Variants in ASCC1 observed in about 807,000 individuals in gnomAD.
ASCC1 encodes the protein activating signal cointegrator 1 complex subunit 1.
Under a neutral mutation model 46.6 loss-of-function variants are expected in ASCC1, and 35 were observed. The observed-to-expected ratio is 0.75, with a 90% CI of 0.57 to 0.99. ASCC1 has a LOEUF of 0.99. Among genes scored for constraint, ASCC1 ranks in the 50% least tolerant of loss-of-function variants. The pLI is 0.00. For missense variants in ASCC1, 376 were observed against 428.7 expected, an observed-to-expected ratio of 0.88 and a Z score of 1.09; for synonymous variants, 143 against 146.6, an observed-to-expected ratio of 0.98 and a Z score of 0.18.
chr10:72,213,232 C>T lies in ASCC1; in HGVS notation c.67G>A (p.Glu23Lys). The T allele has an allele frequency of 6.2e-7, 1 of 1,613,970 alleles. No homozygotes were observed. Among genetic ancestry groups the T allele is most frequent in the Non-Finnish European group, 8.5e-7 (1 of 1,179,914 alleles). ...GRNYRKNPVQ[E>K]QTYQHEEDEE... ...TCTTCTTCATGTTGATAGGTCTGTT[C>T]TTGGACTGGATTCTTCCTGTAATTC... The change falls in exon 2 of 10, where the codon GAA becomes AAA. Residue 23 changes from glutamate (E) to lysine (K), a missense_variant. Transcript: ENST00000672957.
Position 72,096,035 on chromosome 10 carries a change from C to A in ASCC1, c.*1299G>T, listed in dbSNP as rs181049094. The A allele has an allele frequency of 6.9e-6, 3 of 435,206 alleles. No homozygotes were observed. The highest frequency in any genetic ancestry group is 2.4e-5 in the Admixed American group (1 of 41,288). The allele number at this position is 435,206 out of a possible 1,614,324, so 27.0% of individuals were successfully genotyped here. The stretch of plus-strand genomic sequence containing the variant: ...TATGTGATCATACTAACAGAAACAC[C>A]GTTAAACATTTTATTCACAAGTGAT... On this transcript the variant is annotated 3_prime_UTR_variant, in exon 10 of 10. Transcript: ENST00000672957.
chr10:72,194,286 G>A (rs973556993), intron 5 of ASCC1, among the ~76,000 whole-genome samples: 2 of 150,972 alleles, frequency 1.3e-5, no homozygotes, highest in Non-Finnish European at 2.9e-5. Flanking sequence ...ACAGGAAAAT[G>A]CTTTATCTCA....
At chr10:72,118,366 CA>C (rs113494072) in intron 9 of ASCC1, among the ~76,000 whole-genome samples, 209 of 78,648 alleles carry the variant, frequency 2.7e-3, no homozygotes, top group East Asian at 3.3e-3. Context: ...GACTCCATCT[CA>C]AAAAAAAAAA....
chr10:72,175,799 T>C (rs950443074), intron 5 of ASCC1, among the ~76,000 whole-genome samples: 1 of 152,230 alleles, frequency 6.6e-6, no homozygotes, highest in African/African-American at 2.4e-5. Context: ...TATTCCTCCA[T>C]AGTTACTTGA....
At chr10:72,164,340 T>A (rs1850076419) in intron 5 of ASCC1, among the ~76,000 whole-genome samples, 1 of 152,138 alleles carries the variant, frequency 6.6e-6, no homozygotes, top group African/African-American at 2.4e-5. Flanking sequence ...GCTTTTTGTC[T>A]CTTTGGATTT....
At chr10:72,167,603 C>T (rs2132778732) in intron 5 of ASCC1, among the ~76,000 whole-genome samples, 1 of 150,836 alleles carries the variant, frequency 6.6e-6, no homozygotes, top group East Asian at 1.9e-4. Context: ...GTAAATTATA[C>T]CTTAATGAAG....
intron 5 of ASCC1, among the ~76,000 whole-genome samples, chr10:72,182,038 A>C (rs928389729): frequency 1.3e-5 from 2 of 152,172 alleles, no homozygotes; most frequent in African/African-American, 4.8e-5. Context: ...ATGAGAAAAA[A>C]AGGAAAGAAA....
At chr10:72,189,965 G>T (rs1040846647) in intron 5 of ASCC1, 1 of 751,764 alleles carries the variant, frequency 1.3e-6, no homozygotes, top group Non-Finnish European at 2.4e-6. Context: ...GTATATCCAG[G>T]AGCTACGGAG....
chr10:72,190,467 G>A (rs897928176), intron 5 of ASCC1: 6 of 1,598,706 alleles, frequency 3.8e-6, no homozygotes, highest in South Asian at 3.3e-5. Context: ...TCTGCAGGCC[G>A]AAAGAGCCGT....
intron 5 of ASCC1, among the ~76,000 whole-genome samples, chr10:72,194,016 G>A (rs1008165844): frequency 7.1e-6 from 1 of 140,594 alleles, no homozygotes; most frequent in African/African-American, 2.6e-5. Context: ...TTTTTTTTTT[G>A]TATTTTTAGT....
chr10:72,183,909 T>A (rs766853722), intron 5 of ASCC1, among the ~76,000 whole-genome samples: 2 of 152,020 alleles, frequency 1.3e-5, no homozygotes, highest in African/African-American at 2.4e-5. Context: ...TTTGGGAGGC[T>A]GAGGAGGGCA....
At chr10:72,131,075 G>A (rs1845523748) in intron 8 of ASCC1, among the ~76,000 whole-genome samples, 1 of 152,126 alleles carries the variant, frequency 6.6e-6, no homozygotes, top group Non-Finnish European at 1.5e-5. Context: ...ATAATACATA[G>A]ATATTGAAAA....
rs751510113 is a variant in ASCC1 at position 72,096,933 on chromosome 10, T to C, written c.*401A>G. 2.2e-5 allele frequency: 10 copies of C among 454,094 alleles called. No homozygotes were observed. The highest frequency in any genetic ancestry group is 4.0e-5 in the Non-Finnish European group (9 of 226,940). 28.1% of individuals were successfully genotyped at this position (454,094 alleles called of 1,614,324 possible). On this transcript the variant is annotated 3_prime_UTR_variant, in exon 10 of 10. Coordinates refer to ENST00000672957, the MANE Select transcript of ASCC1 (RefSeq NM_001198800.3). Reference sequence around the variant, plus strand: ...GGAGTGGGAATTACTGTTTAATGGGTACAGTTTCCATTTTACAAGCTGAGA... The same window carrying C: ...GGAGTGGGAATTACTGTTTAATGGGCACAGTTTCCATTTTACAAGCTGAGA...
At chr10:72,110,180 G>A (rs904105061) in intron 9 of ASCC1, among the ~76,000 whole-genome samples, 1 of 152,152 alleles carries the variant, frequency 6.6e-6, no homozygotes, top group Non-Finnish European at 1.5e-5. Flanking sequence ...CTTATTTCTG[G>A]TGTGGTCATC....
At chr10:72,203,963 T>C (rs745631338) in intron 3 of ASCC1, among the ~76,000 whole-genome samples, 2 of 151,928 alleles carry the variant, frequency 1.3e-5, no homozygotes, top group African/African-American at 2.4e-5. Flanking sequence ...AAAAAAATAT[T>C]TTAGGCTGGC....
chr10:72,195,038 G>C (rs556265335), intron 5 of ASCC1, among the ~76,000 whole-genome samples: 7 of 151,758 alleles, frequency 4.6e-5, no homozygotes, highest in Non-Finnish European at 1.0e-4. Flanking sequence ...CACCATGCCC[G>C]GCCCAGATTA....
At chr10:72,156,601 T>A (rs1178353418) in intron 6 of ASCC1, among the ~76,000 whole-genome samples, 2 of 151,748 alleles carry the variant, frequency 1.3e-5, no homozygotes, top group Admixed American at 1.3e-4. Flanking sequence ...TGAAACCCCA[T>A]CTCTACTAAA....
intron 7 of ASCC1, among the ~76,000 whole-genome samples, chr10:72,137,991 A>C (rs1237482809): frequency 6.6e-6 from 1 of 151,976 alleles, no homozygotes; most frequent in Non-Finnish European, 1.5e-5. Flanking sequence ...CAGTCTCCCG[A>C]GTAGCTGGGA....
chr10:72,155,098 T>C (rs1448388557), intron 6 of ASCC1, among the ~76,000 whole-genome samples: 1 of 152,114 alleles, frequency 6.6e-6, no homozygotes, highest in Non-Finnish European at 1.5e-5. Flanking sequence ...AAAAAATATG[T>C]TATATATATT....
Sources: allele counts gnomAD v4.1 joint callset (sites outside exome capture counted in the v4.1 genomes callset), GRCh38; gene constraint gnomAD v4.1.1; transcripts MANE v1.5; gene names NCBI Gene and HGNC (gene_info 2026-07-23, HGNC 2026-07-21).